ZFPM2: variants seen among roughly 807,000 people sequenced by gnomAD.
ZFPM2 encodes the protein zinc finger protein, FOG family member 2.
Under a neutral mutation model 98.6 loss-of-function variants are expected in ZFPM2, and 20 were observed. The observed-to-expected ratio is 0.20, with a 90% CI of 0.14 to 0.29. The LOEUF is 0.29. Among genes scored for constraint, ZFPM2 ranks in the 10% least tolerant of loss-of-function variants. ZFPM2 has a pLI of 1.00. For synonymous variants in ZFPM2, 518 were observed against 502.7 expected (o/e 1.03, Z -0.41); for missense variants, 1,310 against 1,388.6 (o/e 0.94, Z 0.90).
chr8:105,622,493 T>C (rs115713798), intron 4 of ZFPM2, among the ~76,000 whole-genome samples: 1 of 152,138 alleles, frequency 6.6e-6, no homozygotes, highest in Non-Finnish European at 1.5e-5. Context: ...ATAAAGAGCA[T>C]CCCATAGAAA....
intron 2 of ZFPM2, among the ~76,000 whole-genome samples, chr8:105,428,491 T>A (rs538657816): frequency 1.3e-5 from 2 of 152,220 alleles, no homozygotes; most frequent in Non-Finnish European, 2.9e-5. Context: ...AGACATTCAA[T>A]AAGCTACAGT....
intron 5 of ZFPM2, among the ~76,000 whole-genome samples, chr8:105,739,143 A>G (rs1219626901): frequency 1.3e-5 from 2 of 152,084 alleles, no homozygotes; most frequent in Non-Finnish European, 2.9e-5. Context: ...TTGAGATTGC[A>G]TGTACTTCTG....
At chr8:105,551,430 A>G (rs1292191766) in intron 3 of ZFPM2, among the ~76,000 whole-genome samples, 2 of 152,136 alleles carry the variant, frequency 1.3e-5, no homozygotes. Flanking sequence ...CTATTTTTGA[A>G]CAAACTCTTT....
At position 105,675,365 on chromosome 8, in the gene ZFPM2, G is replaced by A. The variant is rs527546848; in HGVS notation, c.532+41008G>A. The stretch of plus-strand genomic sequence containing the variant: ...GTTTAGGAGTGATATCAGTAAATGT[G>A]GGGAAAGGGAAAGTTATTCAGAAGA... On this transcript the variant is annotated intron_variant, in intron 5 of 7. Coordinates refer to ENST00000407775, the MANE Select transcript of ZFPM2 (RefSeq NM_012082.4). Among the ~76,000 whole-genome samples the A allele has an allele frequency of 3.3e-5, 5 of 152,272 alleles. No individual in the cohort carries two copies. In the East Asian group the frequency reaches 9.7e-4, roughly 29 times the overall value.
chr8:105,582,273 A>G (rs957771898), intron 4 of ZFPM2, among the ~76,000 whole-genome samples: 26 of 152,328 alleles, frequency 1.7e-4, no homozygotes, highest in Middle Eastern at 6.8e-3. Flanking sequence ...GTTTGAAAGA[A>G]TGAAAGACTG....
chr8:105,699,578 A>T (rs1811095482), intron 5 of ZFPM2, among the ~76,000 whole-genome samples: 1 of 152,106 alleles, frequency 6.6e-6, no homozygotes, highest in South Asian at 2.1e-4. Flanking sequence ...CTTTTTATAA[A>T]GATTGGGTAT....
intron 1 of ZFPM2, among the ~76,000 whole-genome samples, chr8:105,413,724 T>C (rs897254210): frequency 4.0e-5 from 6 of 151,734 alleles, no homozygotes; most frequent in Admixed American, 2.0e-4. Context: ...TTCATTTTCA[T>C]TGATTAAGAT....
chr8:105,676,248 T>C (rs1810452749), intron 5 of ZFPM2, among the ~76,000 whole-genome samples: 1 of 152,138 alleles, frequency 6.6e-6, no homozygotes, highest in Non-Finnish European at 1.5e-5. Context: ...CACATTTATA[T>C]TTTAGCACCA....
intron 5 of ZFPM2, among the ~76,000 whole-genome samples, chr8:105,684,113 A>G (rs187216267): frequency 2.7e-3 from 418 of 152,288 alleles, no homozygotes; most frequent in Non-Finnish European, 4.1e-3. Context: ...ATTTACACTC[A>G]GGGAAGTATA....
intron 1 of ZFPM2, chr8:105,418,732 T>C: frequency 4.1e-6 from 2 of 487,968 alleles, no homozygotes; most frequent in Non-Finnish European, 8.0e-6. Flanking sequence ...ATTCAATTAC[T>C]TTAAATCTTT....
At chr8:105,619,008 A>T (rs1816475506) in intron 4 of ZFPM2, among the ~76,000 whole-genome samples, 1 of 152,184 alleles carries the variant, frequency 6.6e-6, no homozygotes, top group South Asian at 2.1e-4. Context: ...ATGATGTTTA[A>T]TAGATGCAGA....
intron 4 of ZFPM2, among the ~76,000 whole-genome samples, chr8:105,591,318 A>T (rs976013130): frequency 1.3e-5 from 2 of 151,936 alleles, no homozygotes; most frequent in Admixed American, 6.6e-5. Flanking sequence ...ATATTGCTTT[A>T]TAAATTGGAT....
chr8:105,426,227 A>C (rs1026489751), intron 2 of ZFPM2, among the ~76,000 whole-genome samples: 1 of 152,170 alleles, frequency 6.6e-6, no homozygotes, highest in Non-Finnish European at 1.5e-5. Context: ...TGCATATAAC[A>C]TTGACATTTC....
chr8:105,452,389 C>T (rs903682007), intron 3 of ZFPM2, among the ~76,000 whole-genome samples: 7 of 152,074 alleles, frequency 4.6e-5, no homozygotes, highest in East Asian at 1.9e-4. Flanking sequence ...AAAGACACTA[C>T]GAGTCAGTAG....
At chr8:105,773,395 C>T (rs1438249802) in intron 5 of ZFPM2, among the ~76,000 whole-genome samples, 1 of 151,806 alleles carries the variant, frequency 6.6e-6, no homozygotes, top group Non-Finnish European at 1.5e-5. Context: ...TTAGAATAGA[C>T]CATTATGAAA....
At chr8:105,689,633 G>T (rs1353720476) in intron 5 of ZFPM2, among the ~76,000 whole-genome samples, 1 of 152,216 alleles carries the variant, frequency 6.6e-6, no homozygotes, top group Non-Finnish European at 1.5e-5. Context: ...ACATGATTAA[G>T]TTGGTGGTGT....
At chr8:105,612,710 G>A (rs1816331572) in intron 4 of ZFPM2, among the ~76,000 whole-genome samples, 4 of 152,170 alleles carry the variant, frequency 2.6e-5, no homozygotes, top group Admixed American at 2.6e-4. Flanking sequence ...CTCTGCATTA[G>A]AAAGTCTGTG....
intron 1 of ZFPM2, among the ~76,000 whole-genome samples, chr8:105,349,121 T>C (rs1428716387): frequency 1.3e-5 from 2 of 152,064 alleles, no homozygotes; most frequent in South Asian, 2.1e-4. Context: ...TTGGTAGACA[T>C]GCAAAATCTG....
chr8:105,758,420 C>G (rs1163333575), intron 5 of ZFPM2, among the ~76,000 whole-genome samples: 2 of 152,066 alleles, frequency 1.3e-5, no homozygotes, highest in African/African-American at 4.8e-5. Flanking sequence ...TAAGTTATAC[C>G]TATCATCTAT....
Sources: gnomAD v4.1 joint callset for allele counts (sites outside exome capture counted in the v4.1 genomes callset) on GRCh38, gnomAD v4.1.1 for gene constraint, MANE v1.5 for transcripts, NCBI Gene and HGNC (gene_info 2026-07-23, HGNC 2026-07-21) for gene names.